The following BRD9 variants were observed in gnomAD, a reference collection of about 807,000 sequenced individuals.
The protein encoded by BRD9 is bromodomain-containing protein 9.
In BRD9, 47 loss-of-function variants were observed where a neutral mutation model predicts 68.7. The observed-to-expected ratio is 0.68, with a 90% CI of 0.54 to 0.87. The LOEUF is 0.87. Among genes scored for constraint, BRD9 ranks in the 40% least tolerant of loss-of-function variants. The pLI, the probability that BRD9 is intolerant of heterozygous loss-of-function variation, is 0.00. For missense variants in BRD9, 670 were observed against 748.4 expected, an observed-to-expected ratio of 0.90 and a Z score of 1.22; for synonymous variants, 313 against 293.9, an observed-to-expected ratio of 1.06 and a Z score of -0.67.
chr5:883,597 G>A (rs1349771323), intron 8 of BRD9: 24 of 407,996 alleles, frequency 5.9e-5, no homozygotes, highest in South Asian at 1.2e-4. Flanking sequence ...TAACAAGGGC[G>A]GTGCCTCACG....
chr5:875,711 AT>A (rs886776437), intron 12 of BRD9, among the ~76,000 whole-genome samples: 2 of 152,238 alleles, frequency 1.3e-5, no homozygotes, highest in Non-Finnish European at 2.9e-5. Flanking sequence ...AAAAAAGGTC[AT>A]CTAAAATTCC....
chr5:881,219 G>A (rs1188445219), intron 8 of BRD9, 37 bp from the exon 9 acceptor site: 2 of 1,593,634 alleles, frequency 1.3e-6, no homozygotes, highest in East Asian at 2.2e-5. Context: ...TGTCCCTCAG[G>A]AGGGGCAGCG....
chr5:876,887 C>G (rs959806547), intron 11 of BRD9, among the ~76,000 whole-genome samples: 7 of 152,094 alleles, frequency 4.6e-5, no homozygotes, highest in Admixed American at 3.9e-4. Context: ...ACCCACAGCC[C>G]GGGACAGGCC....
chr5:864,396 T>C lies in BRD9; in HGVS notation c.*72A>G. 1 of 1,312,878 alleles carries C rather than the reference T, an allele frequency of 7.6e-7. No individual in the cohort carries two copies. The highest frequency in any genetic ancestry group is 1.1e-6 in the Non-Finnish European group (1 of 948,636). The allele number at this position is 1,312,878 out of a possible 1,614,324, so 81.3% of individuals were successfully genotyped here. On this transcript the variant is annotated 3_prime_UTR_variant, in exon 16 of 16. Transcript: ENST00000467963. ...AGGGGACAGGATCAAAGTCCTTGTC[T>C]GATGACAAAAACTCTACACGTGCAA...
intron 14 of BRD9, among the ~76,000 whole-genome samples, chr5:870,012 A>C (rs1749904668): frequency 6.6e-6 from 1 of 152,234 alleles, no homozygotes; most frequent in Admixed American, 6.5e-5. Context: ...CACTAGGCTG[A>C]CATTTACCCA....
chr5:892,485 G>A (rs1218471976), intron 1 of BRD9, 121 bp downstream of exon 1: 23 of 1,455,678 alleles, frequency 1.6e-5, no homozygotes, highest in Non-Finnish European at 2.0e-5. Context: ...CGCGTGCCCA[G>A]AACCCCTCCC....
At chr5:886,527 G>A in intron 7 of BRD9, 65 bp downstream of exon 7, 1 of 1,446,110 alleles carries the variant, frequency 6.9e-7, no homozygotes, top group Non-Finnish European at 9.6e-7. Context: ...CCCCTACAAG[G>A]CACCTGCTTT....
In BRD9 at chr5:884,002, G is replaced by A. The variant is rs370201498; in HGVS notation, c.902C>T (p.Ala301Val). The change falls in exon 8 of 16, where the codon GCG becomes GTG. Residue 301 changes from alanine (A) to valine (V), a missense_variant. This residue lies in a region of BRD9 where 135 missense variants were observed against 141.2 expected (regional missense o/e 0.96). Coordinates refer to ENST00000467963, the MANE Select transcript of BRD9 (RefSeq NM_023924.5). Reference sequence around the variant, plus strand: ...TTCGTCAGCTGCGTGCTCCACCAGCGCCAGCACGTGCTCCTCTGCGGTACT... The same window carrying A: ...TTCGTCAGCTGCGTGCTCCACCAGCACCAGCACGTGCTCCTCTGCGGTACT... The part of the protein sequence containing the change: ...TDSTAEEHVL[A>V]LVEHAADEAR... 2.9e-5 allele frequency: 46 copies of A among 1,613,616 alleles called. No homozygotes were observed. Among genetic ancestry groups the A allele is most frequent in the East Asian group, 4.5e-5 (2 of 44,880 alleles).
intron 12 of BRD9, among the ~76,000 whole-genome samples, chr5:875,309 C>T (rs762108772): frequency 1.3e-5 from 2 of 151,494 alleles, no homozygotes; most frequent in Non-Finnish European, 2.9e-5. Flanking sequence ...CGAAAAGACA[C>T]GTCACATGTG....
intron 15 of BRD9, among the ~76,000 whole-genome samples, chr5:864,884 G>A (rs1303434818): frequency 6.6e-6 from 1 of 152,202 alleles, no homozygotes; most frequent in African/African-American, 2.4e-5. Flanking sequence ...CTCAGACTTT[G>A]ACCTACGGCC....
intron 14 of BRD9, chr5:865,990 T>G (rs1295483651): frequency 1.2e-5 from 2 of 162,386 alleles, no homozygotes; most frequent in Non-Finnish European, 1.3e-5. Context: ...CCCAGTTCAC[T>G]GTGGAGCAGG....
chr5:880,657 G>A (rs539432354), intron 9 of BRD9, among the ~76,000 whole-genome samples: 5 of 152,312 alleles, frequency 3.3e-5, no homozygotes, highest in South Asian at 4.1e-4. Context: ...TGCCCCTGAC[G>A]GGCTGGACAG....
At chr5:889,280 A>C in intron 4 of BRD9, 115 bp from the exon 5 acceptor site, 1 of 1,165,354 alleles carries the variant, frequency 8.6e-7, no homozygotes, top group Non-Finnish European at 1.2e-6. Context: ...AAAATAAAAA[A>C]GTTACGAGCG....
rs754959562 is a variant in BRD9, at chr5:870,509, C to T, written c.1489G>A (p.Asp497Asn). Residue 497 changes from aspartate to asparagine, a missense_variant, in exon 14 of 16, where the codon GAC becomes AAC. By Grantham distance (23) the Asp-to-Asn change is conservative (BLOSUM62 1). Transcript: ENST00000467963. ...AGCATGGAGATATCCACAGAAACGT[C>T]GGGATAGGACTTCATCGACATGAAC... ...LEFMSMKSYP[D>N]VSVDISMLSS... The T allele has an allele frequency of 1.9e-5, 30 of 1,614,160 alleles. No individual in the cohort carries two copies. The highest frequency in any genetic ancestry group is 6.6e-5 in the South Asian group (6 of 91,074).
intron 12 of BRD9, among the ~76,000 whole-genome samples, chr5:873,945 A>G (rs1336108688): frequency 6.6e-6 from 1 of 152,214 alleles, no homozygotes; most frequent in Non-Finnish European, 1.5e-5. Context: ...GAACCCTAGA[A>G]TAAGGCTGCC....
At chr5:885,824 C>T (rs973059482) in intron 7 of BRD9, among the ~76,000 whole-genome samples, 9 of 152,168 alleles carry the variant, frequency 5.9e-5, no homozygotes, top group East Asian at 1.9e-4. Context: ...AGGCCCCTGG[C>T]GATACTCTCG....
At chr5:883,392 T>A (rs1167020507) in intron 8 of BRD9, 4 of 456,812 alleles carry the variant, frequency 8.8e-6, no homozygotes, top group African/African-American at 2.0e-5. Context: ...CTAGGAAGCC[T>A]GAGACTGCAG....
chr5:884,022 G>A lies in BRD9; in HGVS notation c.882C>T (p.Thr294=), dbSNP rs146678073. The change falls in exon 8 of 16, where the codon ACC becomes ACT. Residue 294 remains threonine, a synonymous_variant. Coordinates refer to ENST00000467963, the MANE Select transcript of BRD9 (RefSeq NM_023924.5). The stretch of plus-strand genomic sequence containing the variant: ...CCAGCGCCAGCACGTGCTCCTCTGC[G>A]GTACTGTCCGTCAAGCTGCAGGCAT... The part of the protein sequence containing the change: ...EGNACSLTDS[T]AEEHVLALVE... The A allele has an allele frequency of 6.8e-5, 110 of 1,613,850 alleles. No homozygotes were observed. The highest frequency in any genetic ancestry group is 1.6e-4 in the Middle Eastern group (1 of 6,062).
intron 2 of BRD9, 144 bp downstream of exon 2, chr5:891,496 G>T: frequency 7.4e-7 from 1 of 1,353,424 alleles, no homozygotes; most frequent in Non-Finnish European, 9.8e-7. Context: ...GAGTCTGCGG[G>T]CCTCAGCGGT....
Sources: gnomAD v4.1 joint callset for allele counts (sites outside exome capture counted in the v4.1 genomes callset) on GRCh38, gnomAD v4.1.1 for gene constraint, gnomAD v4.1.1 regional missense constraint, MANE v1.5 for transcripts, NCBI Gene and HGNC (gene_info 2026-07-23, HGNC 2026-07-21) for gene names.